The following GPM6A variants were observed in gnomAD, a reference collection of about 807,000 sequenced individuals.
GPM6A encodes the protein glycoprotein M6A.
GPM6A carries 7 observed loss-of-function variants against 32.1 expected under a neutral mutation model. The ratio of observed to expected loss-of-function variants is 0.22; its 90% confidence interval spans 0.12 to 0.41. The LOEUF (loss-of-function observed/expected upper bound fraction) is 0.41. Ranked by LOEUF, GPM6A falls within the 10% of genes least tolerant of loss-of-function variation. GPM6A has a pLI of 1.00. For missense variants in GPM6A, 235 were observed against 347.2 expected, an observed-to-expected ratio of 0.68 and a Z score of 2.57; for synonymous variants, 130 against 123.4, an observed-to-expected ratio of 1.05 and a Z score of -0.35.
rs1036431290 is a variant in GPM6A at position 175,850,892 on chromosome 4, T to C, written c.-22-38643A>G. On this transcript the variant is annotated intron_variant, in intron 1 of 7. Transcript: ENST00000280187. ...TTTCACATATGATACTATATATTTA[T>C]TTGTAACATAAAATATGTATATCTA... is the stretch of plus-strand genomic sequence containing the variant. Among the ~76,000 whole-genome samples, 11 of 150,782 alleles carry C rather than the reference T, an allele frequency of 7.3e-5. No individual in the cohort carries two copies. The East Asian group carries it at 2.1e-3, about 29-fold the overall frequency.
intron 1 of GPM6A, among the ~76,000 whole-genome samples, chr4:175,852,129 G>A (rs1464698268): frequency 2.0e-5 from 3 of 152,150 alleles, no homozygotes; most frequent in Admixed American, 6.6e-5. Flanking sequence ...GAAATAAAAG[G>A]ATGAGACCAG....
chr4:175,668,494 C>A (rs937895240), intron 3 of GPM6A, among the ~76,000 whole-genome samples: 1 of 50,152 alleles, frequency 2.0e-5, no homozygotes, highest in African/African-American at 4.1e-5. Context: ...GAATTCTATT[C>A]CCACAGTTTA....
intron 1 of GPM6A, among the ~76,000 whole-genome samples, chr4:175,726,526 T>C (rs1746417816): frequency 6.6e-6 from 1 of 152,224 alleles, no homozygotes; most frequent in Admixed American, 6.5e-5. Flanking sequence ...TACATCTAAA[T>C]AGCTAATCTT....
rs562296951 is a variant in GPM6A, at chr4:175,981,804, G to A, written c.-23+20505C>T. On this transcript the variant is annotated intron_variant, in intron 1 of 7. Coordinates refer to the GPM6A transcript ENST00000280187. ...TTTTGATTTTATAAAAAACAGCCAA[G>A]CCATTTTTCAAAGTGGTTGTACCAT... 3.5e-4 allele frequency among the ~76,000 whole-genome samples: 54 copies of A among 152,232 alleles called. 1 individual carries two copies. The highest frequency in any genetic ancestry group is 3.5e-3 in the South Asian group (17 of 4,818).
At chr4:175,675,568 C>T (rs1287051438) in intron 2 of GPM6A, among the ~76,000 whole-genome samples, 1 of 152,048 alleles carries the variant, frequency 6.6e-6, no homozygotes, top group Non-Finnish European at 1.5e-5. Context: ...TCAATAAACC[C>T]ACTAATCTTC....
chr4:175,822,172 T>C (rs961580749), intron 1 of GPM6A, among the ~76,000 whole-genome samples: 1 of 152,162 alleles, frequency 6.6e-6, no homozygotes, highest in Non-Finnish European at 1.5e-5. Context: ...ATTGCATCCA[T>C]TTATATATTA....
chr4:175,641,070 T>C, intron 4 of GPM6A: 1 of 474,622 alleles, frequency 2.1e-6, no homozygotes, highest in South Asian at 2.6e-5. Context: ...TTCAATTGAA[T>C]CTCACCACCA....
chr4:175,643,251 T>G (rs1403225640), intron 4 of GPM6A, among the ~76,000 whole-genome samples: 1 of 152,154 alleles, frequency 6.6e-6, no homozygotes, highest in Non-Finnish European at 1.5e-5. Context: ...CTTCTATTAT[T>G]AGTCAGACCA....
intron 1 of GPM6A, among the ~76,000 whole-genome samples, chr4:175,778,627 C>CAAAAAAAAAAAAAAA (rs34286041): frequency 1.3e-5 from 1 of 75,202 alleles, no homozygotes; most frequent in African/African-American, 5.1e-5. Flanking sequence ...CTGTATCCAA[C>CAAAAAAAAAAAAAAA]AAAAAAAAAA....
chr4:175,931,677 C>CAG (rs1739044581), intron 1 of GPM6A, among the ~76,000 whole-genome samples: 1 of 136,312 alleles, frequency 7.3e-6, no homozygotes, highest in African/African-American at 3.0e-5. Context: ...AATATACACA[C>CAG]ACACACACAC....
chr4:175,891,680 T>C (rs1737654318), intron 1 of GPM6A: 1 of 152,224 alleles, frequency 6.6e-6, no homozygotes, highest in Non-Finnish European at 1.5e-5. Flanking sequence ...CAGTAGTTAT[T>C]CCTTGAGAAG....
At chr4:175,848,816 T>C (rs1386818594) in intron 1 of GPM6A, among the ~76,000 whole-genome samples, 1 of 152,286 alleles carries the variant, frequency 6.6e-6, no homozygotes, top group South Asian at 2.1e-4. Flanking sequence ...TAATAAATAC[T>C]ATTATTGATG....
At chr4:175,950,402 C>T (rs1434930470) in intron 1 of GPM6A, among the ~76,000 whole-genome samples, 2 of 152,064 alleles carry the variant, frequency 1.3e-5, no homozygotes, top group East Asian at 3.8e-4. Flanking sequence ...ATAATATGTT[C>T]TATACAACTG....
chr4:175,989,025 G>A lies in GPM6A; in HGVS notation c.-23+13284C>T, dbSNP rs114796277. Among the ~76,000 whole-genome samples, 1,368 of 152,150 alleles carry A rather than the reference G, an allele frequency of 9.0e-3. 14 individuals carry two copies. Among genetic ancestry groups the A allele is most frequent in the African/African-American group, 0.031 (1,290 of 41,506 alleles). On this transcript the variant is annotated intron_variant, in intron 1 of 7. Transcript: ENST00000280187. Reference sequence around the variant, plus strand: ...TACCCCAATTCTGTAGTCTTTGGAGGAATTGGAAGATCATATTAAAGCTAT... The same window carrying A: ...TACCCCAATTCTGTAGTCTTTGGAGAAATTGGAAGATCATATTAAAGCTAT...
At chr4:175,788,288 G>T (rs1477610656) in intron 1 of GPM6A, among the ~76,000 whole-genome samples, 2 of 152,126 alleles carry the variant, frequency 1.3e-5, no homozygotes, top group Non-Finnish European at 2.9e-5. Flanking sequence ...TGAAAGCAAA[G>T]ATTTTTAACT....
At chr4:176,001,245 C>G (rs1741468105) in intron 1 of GPM6A, among the ~76,000 whole-genome samples, 2 of 152,140 alleles carry the variant, frequency 1.3e-5, no homozygotes, top group South Asian at 4.1e-4. Context: ...CAACAAAGGA[C>G]AAGGGAGAAG....
intron 1 of GPM6A, among the ~76,000 whole-genome samples, chr4:175,784,096 C>T (rs750917256): frequency 7.2e-5 from 11 of 151,944 alleles, no homozygotes; most frequent in Non-Finnish European, 1.5e-4. Context: ...TATTAATATT[C>T]CCAGTAATAA....
intron 1 of GPM6A, among the ~76,000 whole-genome samples, chr4:175,869,099 G>A (rs1480405471): frequency 6.6e-6 from 1 of 152,100 alleles, no homozygotes; most frequent in African/African-American, 2.4e-5. Context: ...ACACCATCAT[G>A]CCTAACAAAA....
intron 4 of GPM6A, among the ~76,000 whole-genome samples, chr4:175,643,099 A>G (rs577504696): frequency 6.6e-6 from 1 of 152,164 alleles, no homozygotes; most frequent in African/African-American, 2.4e-5. Flanking sequence ...CCATAATCAG[A>G]CCGATTCTTC....
Sources: gnomAD v4.1 joint callset for allele counts (sites outside exome capture counted in the v4.1 genomes callset) on GRCh38, gnomAD v4.1.1 for gene constraint, MANE v1.5 for transcripts, NCBI Gene and HGNC (gene_info 2026-07-23, HGNC 2026-07-21) for gene names.